Variants in LRRC4C observed in about 807,000 individuals in gnomAD.
LRRC4C encodes leucine-rich repeat-containing protein 4C.
Under a neutral mutation model 33.6 loss-of-function variants are expected in LRRC4C, and 5 were observed. The ratio of observed to expected loss-of-function variants is 0.15; its 90% CI spans 0.08 to 0.31. The LOEUF (loss-of-function observed/expected upper bound fraction) is 0.31, where lower values mean the gene tolerates loss of function less well. Ranked by LOEUF, LRRC4C falls within the 10% of genes least tolerant of loss-of-function variation. LRRC4C has a pLI of 1.00. For synonymous variants in LRRC4C, 329 were observed against 302.0 expected (o/e 1.09, Z -0.93); for missense variants, 560 against 796.7 (o/e 0.70, Z 3.58).
At chr11:40,661,394 A>G (rs7929857) in intron 2 of LRRC4C, among the ~76,000 whole-genome samples, 55,275 of 152,106 alleles carry the variant, frequency 0.36, 10,551 homozygotes, top group Middle Eastern at 0.44. Context: ...GACACATACA[A>G]CAACTGTTTG....
At chr11:40,272,001 T>C (rs1226539283) in intron 4 of LRRC4C, among the ~76,000 whole-genome samples, 1 of 152,144 alleles carries the variant, frequency 6.6e-6, no homozygotes, top group Non-Finnish European at 1.5e-5. Flanking sequence ...TGCTATAAAA[T>C]ACCATGAAAA....
At chr11:40,287,515 A>G (rs1488912911) in intron 4 of LRRC4C, among the ~76,000 whole-genome samples, 1 of 152,166 alleles carries the variant, frequency 6.6e-6, no homozygotes, top group Non-Finnish European at 1.5e-5. Context: ...TGCTGAGGAC[A>G]TAACAAAACC....
chr11:40,832,136 G>A (rs574819992), intron 2 of LRRC4C, among the ~76,000 whole-genome samples: 1 of 152,060 alleles, frequency 6.6e-6, no homozygotes, highest in South Asian at 2.1e-4. Context: ...CTGCTCCTAG[G>A]CTACAAACCT....
At chr11:41,376,873 T>C (rs1952955320) in intron 1 of LRRC4C, among the ~76,000 whole-genome samples, 1 of 152,034 alleles carries the variant, frequency 6.6e-6, no homozygotes, top group Admixed American at 6.6e-5. Flanking sequence ...CATAGATAGA[T>C]AGATGATAGA....
intron 2 of LRRC4C, among the ~76,000 whole-genome samples, chr11:40,911,001 G>C (rs575250519): frequency 1.3e-5 from 2 of 152,214 alleles, no homozygotes; most frequent in African/African-American, 2.4e-5. Flanking sequence ...GCTGGGGGAG[G>C]GGCGCCTGCC....
intron 5 of LRRC4C, among the ~76,000 whole-genome samples, chr11:40,187,180 A>G (rs1732934557): frequency 6.6e-6 from 1 of 152,176 alleles, no homozygotes; most frequent in South Asian, 2.1e-4. Context: ...CTGAACCCTG[A>G]CTTCTCTCTT....
intron 1 of LRRC4C, among the ~76,000 whole-genome samples, chr11:41,011,151 C>T (rs561289700): frequency 2.0e-5 from 3 of 152,246 alleles, no homozygotes; most frequent in African/African-American, 7.2e-5. Flanking sequence ...GAATTGTAAA[C>T]TATATAACAT....
intron 1 of LRRC4C, among the ~76,000 whole-genome samples, chr11:41,292,174 G>A (rs957391515): frequency 6.6e-6 from 1 of 152,092 alleles, no homozygotes; most frequent in African/African-American, 2.4e-5. Context: ...TCACTGATGT[G>A]AGGAACAGCT....
chr11:41,115,983 C>T (rs914349887), intron 1 of LRRC4C, among the ~76,000 whole-genome samples: 3 of 152,206 alleles, frequency 2.0e-5, no homozygotes, highest in South Asian at 2.1e-4. Flanking sequence ...ACTCTTCTAG[C>T]CTTCCCCTTT....
intron 1 of LRRC4C, among the ~76,000 whole-genome samples, chr11:40,961,477 TCCTA>T (rs1850974703): frequency 6.6e-6 from 1 of 151,726 alleles, no homozygotes; most frequent in African/African-American, 2.4e-5. Context: ...TTCTATGTTT[TCCTA>T]CCTGTGTCTT....
At chr11:40,787,168 C>G (rs555810562) in intron 2 of LRRC4C, among the ~76,000 whole-genome samples, 2 of 152,120 alleles carry the variant, frequency 1.3e-5, no homozygotes, top group South Asian at 4.1e-4. Context: ...AGACCCTCTA[C>G]TTCTCCAGAT....
intron 2 of LRRC4C, among the ~76,000 whole-genome samples, chr11:40,787,610 G>A (rs1024995187): frequency 6.6e-6 from 1 of 152,130 alleles, no homozygotes; most frequent in Non-Finnish European, 1.5e-5. Flanking sequence ...TTGTCATACT[G>A]TCATATCAGT....
At chr11:40,181,024 A>G (rs1179117710) in intron 5 of LRRC4C, among the ~76,000 whole-genome samples, 1 of 152,192 alleles carries the variant, frequency 6.6e-6, no homozygotes, top group Non-Finnish European at 1.5e-5. Context: ...CAAGGTAGGC[A>G]CAATCTGGAA....
intron 1 of LRRC4C, among the ~76,000 whole-genome samples, chr11:41,213,904 C>G (rs1370480725): frequency 6.6e-6 from 1 of 152,200 alleles, no homozygotes; most frequent in Non-Finnish European, 1.5e-5. Flanking sequence ...ATAGAACTCA[C>G]ATTTTGACCT....
chr11:41,377,815 T>C (rs1453505367), intron 1 of LRRC4C, among the ~76,000 whole-genome samples: 1 of 152,184 alleles, frequency 6.6e-6, no homozygotes, highest in Non-Finnish European at 1.5e-5. Context: ...CTGATGCCAC[T>C]CAGTCCCTTT....
intron 1 of LRRC4C, among the ~76,000 whole-genome samples, chr11:41,156,628 C>A (rs544978759): frequency 6.6e-6 from 1 of 151,934 alleles, no homozygotes; most frequent in South Asian, 2.1e-4. Context: ...TTACAATGAA[C>A]ATGGCAAACA....
At chr11:40,893,944 C>T (rs181795140) in intron 2 of LRRC4C, among the ~76,000 whole-genome samples, 1 of 152,134 alleles carries the variant, frequency 6.6e-6, no homozygotes, top group Admixed American at 6.6e-5. Flanking sequence ...AAATTCAAAA[C>T]ATACACAGTA....
chr11:40,848,457 T>C (rs563455147), intron 2 of LRRC4C, among the ~76,000 whole-genome samples: 9 of 151,968 alleles, frequency 5.9e-5, no homozygotes, highest in Non-Finnish European at 1.3e-4. Context: ...GTTGTGTGGT[T>C]TTGAGTTTCT....
At chr11:41,318,010 A>T (rs1410549483) in intron 1 of LRRC4C, among the ~76,000 whole-genome samples, 1 of 152,222 alleles carries the variant, frequency 6.6e-6, no homozygotes, top group Non-Finnish European at 1.5e-5. Flanking sequence ...AGTGAAAAGT[A>T]GAACATGCAT....
Sources: gnomAD v4.1 joint callset for allele counts (sites outside exome capture counted in the v4.1 genomes callset) on GRCh38, gnomAD v4.1.1 for gene constraint, MANE v1.5 for transcripts, NCBI Gene and HGNC (gene_info 2026-07-23, HGNC 2026-07-21) for gene names.